Variants in CYP4F22 observed in about 807,000 individuals in gnomAD.
The protein encoded by CYP4F22 is ultra-long-chain fatty acid omega-hydroxylase.
CYP4F22 carries 37 observed loss-of-function variants against 60.4 expected under a neutral mutation model. The observed-to-expected ratio is 0.61, with a 90% CI of 0.47 to 0.81. The LOEUF is 0.81. Ranked by LOEUF, CYP4F22 falls within the 30% of genes least tolerant of loss-of-function variation. The probability of loss-of-function intolerance (pLI) is 0.00; values close to 1 mark genes in which losing one functional copy is unlikely to be tolerated. For synonymous variants in CYP4F22, 258 were observed against 280.5 expected, an observed-to-expected ratio of 0.92 and a Z score of 0.80; for missense variants, 655 against 715.0, an observed-to-expected ratio of 0.92 and a Z score of 0.96.
At chr19:15,527,042 AC>A (rs1448446879) in intron 3 of CYP4F22, among the ~76,000 whole-genome samples, 1 of 152,000 alleles carries the variant, frequency 6.6e-6, no homozygotes, top group East Asian at 1.9e-4. Context: ...TGATGCCTCT[AC>A]TTTCTGGATG....
intron 1 of CYP4F22, among the ~76,000 whole-genome samples, chr19:15,509,980 C>CTTT (rs1348731998): frequency 6.9e-6 from 1 of 143,914 alleles, no homozygotes; most frequent in Admixed American, 7.1e-5. Context: ...TTCTTTCTTT[C>CTTT]TTTTTTTGTT....
At chr19:15,512,732 T>C (rs1404751055) in intron 1 of CYP4F22, among the ~76,000 whole-genome samples, 1 of 152,152 alleles carries the variant, frequency 6.6e-6, no homozygotes, top group Non-Finnish European at 1.5e-5. Flanking sequence ...CATGAGCCAC[T>C]TCACCTGGCT....
In CYP4F22 at chr19:15,525,299, T is replaced by G. The variant is rs775140040; in HGVS notation, c.-1-37T>G. ...CATTACCCCATGGGTCATCGTCTTG[T>G]GCATGGCACCGACCCCCTGACCCTG... On this transcript the variant is annotated intron_variant, in intron 2 of 13. Coordinates refer to ENST00000269703, the MANE Select transcript of CYP4F22 (RefSeq NM_173483.4). 28 of 1,599,660 alleles carry G rather than the reference T, an allele frequency of 1.8e-5. No homozygotes were observed. The South Asian group carries it at 3.1e-4, about 18-fold the overall frequency.
At chr19:15,543,569 GA>G (rs955524243) in intron 8 of CYP4F22, among the ~76,000 whole-genome samples, 3 of 152,076 alleles carry the variant, frequency 2.0e-5, no homozygotes, top group Non-Finnish European at 4.4e-5. Context: ...TTAAGAGAGA[GA>G]GGGGAGCCAG....
intron 1 of CYP4F22, among the ~76,000 whole-genome samples, chr19:15,512,708 G>A (rs961324362): frequency 2.6e-5 from 4 of 152,118 alleles, no homozygotes; most frequent in African/African-American, 7.2e-5. Context: ...CTCCCAAAGT[G>A]CTGGGATTAC....
At position 15,508,595 on chromosome 19, in the gene CYP4F22, C is replaced by G. The variant is rs1971046668; in HGVS notation, c.-109+12C>G. 1 of 150,530 alleles carries G rather than the reference C, an allele frequency of 6.6e-6. No individual in the cohort carries two copies. Among genetic ancestry groups the G allele is most frequent in the Admixed American group, 6.6e-5 (1 of 15,218 alleles). The allele number at this position is 150,530 out of a possible 1,614,324, so 9.3% of individuals were successfully genotyped here. ...GCTGAGACCCGCGGGTGAGTGCGCG[C>G]GTGGTGAGGGCTGTAACCTGAGCGC... On this transcript the variant is annotated intron_variant, in intron 1 of 13. Coordinates refer to ENST00000269703, the MANE Select transcript of CYP4F22 (RefSeq NM_173483.4).
chr19:15,519,578 T>C (rs10422249), intron 1 of CYP4F22, among the ~76,000 whole-genome samples: 84,111 of 151,860 alleles, frequency 0.55, 24,874 homozygotes, highest in Non-Finnish European at 0.67. Context: ...AGGGGACTTT[T>C]TGAGGCTGAA....
chr19:15,533,818 G>T (rs929767542), intron 4 of CYP4F22, among the ~76,000 whole-genome samples: 3 of 151,648 alleles, frequency 2.0e-5, no homozygotes, highest in African/African-American at 7.3e-5. Context: ...TGTCCAGGTT[G>T]GTCATTAGGG....
At chr19:15,515,179 C>T (rs1468871828) in intron 1 of CYP4F22, among the ~76,000 whole-genome samples, 1 of 152,214 alleles carries the variant, frequency 6.6e-6, no homozygotes, top group Non-Finnish European at 1.5e-5. Flanking sequence ...TCCAGCCCGG[C>T]CACAGCCACC....
intron 4 of CYP4F22, among the ~76,000 whole-genome samples, chr19:15,537,147 AC>A: frequency 6.6e-6 from 1 of 152,148 alleles, no homozygotes; most frequent in South Asian, 2.1e-4. Flanking sequence ...AAAAATACAA[AC>A]AAATTAGCCG....
chr19:15,544,738 C>T (rs538908534), intron 10 of CYP4F22, among the ~76,000 whole-genome samples: 16 of 152,228 alleles, frequency 1.1e-4, no homozygotes, highest in Middle Eastern at 3.4e-3. Context: ...AAGGCAGATT[C>T]CAGAAGCACA....
At chr19:15,546,751 C>T (rs1406437713) in intron 10 of CYP4F22, among the ~76,000 whole-genome samples, 6 of 151,160 alleles carry the variant, frequency 4.0e-5, no homozygotes, top group Non-Finnish European at 5.9e-5. Flanking sequence ...TTCTTTTTTT[C>T]TTTCTTTCTT....
chr19:15,510,945 C>CAT (rs1183507990), intron 1 of CYP4F22, among the ~76,000 whole-genome samples: 5,308 of 111,304 alleles, frequency 0.048, 256 homozygotes, highest in Non-Finnish European at 0.06. Flanking sequence ...ATAGGGATAC[C>CAT]ATATATATAT....
intron 1 of CYP4F22, chr19:15,516,689 TG>T: frequency 2.0e-6 from 1 of 512,032 alleles, no homozygotes; most frequent in Non-Finnish European, 3.6e-6. Flanking sequence ...AGAGGAGCAA[TG>T]GATAAGAGAT....
At chr19:15,537,190 A>G (rs1971404233) in intron 4 of CYP4F22, among the ~76,000 whole-genome samples, 171 bp from the exon 5 acceptor site, 1 of 152,064 alleles carries the variant, frequency 6.6e-6, no homozygotes, top group Admixed American at 6.5e-5. Flanking sequence ...AATCCCAGCT[A>G]CTCAGGAGGC....
intron 3 of CYP4F22, among the ~76,000 whole-genome samples, chr19:15,528,270 T>G (rs376037869): frequency 2.0e-4 from 31 of 152,156 alleles, no homozygotes; most frequent in African/African-American, 7.2e-4. Flanking sequence ...TTGGGCAACA[T>G]AGCAAGACCC....
intron 10 of CYP4F22, among the ~76,000 whole-genome samples, chr19:15,546,250 A>T (rs1971525013): frequency 6.6e-6 from 1 of 152,046 alleles, no homozygotes; most frequent in African/African-American, 2.4e-5. Context: ...TGCTGGGATT[A>T]TAGGTGTGAG....
intron 10 of CYP4F22, among the ~76,000 whole-genome samples, chr19:15,547,018 G>GTTTTTTTTTTTTTTTTTTTTTTTTTTTT (rs71176432): frequency 1.2e-5 from 1 of 82,310 alleles, no homozygotes; most frequent in African/African-American, 5.7e-5. Context: ...GCCTGCACCA[G>GTTTTTTTTTTTTTTTTTTTTTTTTTTTT]TTTTTTTTTT....
chr19:15,521,005 G>A (rs577069101), intron 1 of CYP4F22, among the ~76,000 whole-genome samples: 1 of 152,094 alleles, frequency 6.6e-6, no homozygotes, highest in South Asian at 2.1e-4. Context: ...CTGACCTCAT[G>A]ATCTGCCTGC....
Sources: gnomAD v4.1 joint callset for allele counts (sites outside exome capture counted in the v4.1 genomes callset) on GRCh38, gnomAD v4.1.1 for gene constraint, MANE v1.5 for transcripts, NCBI Gene and HGNC (gene_info 2026-07-23, HGNC 2026-07-21) for gene names.